SLC5A6: variants seen among roughly 807,000 people sequenced by gnomAD.
SLC5A6 encodes the protein sodium-dependent multivitamin transporter.
In SLC5A6, 31 loss-of-function variants were observed where a neutral mutation model predicts 67.9. That is an observed-to-expected ratio of 0.46 (90% CI 0.34 to 0.62). The LOEUF (loss-of-function observed/expected upper bound fraction) is 0.62, where lower values mean the gene tolerates loss of function less well. Ranked by LOEUF, SLC5A6 falls within the 20% of genes least tolerant of loss-of-function variation. SLC5A6 has a pLI of 0.01. For missense variants in SLC5A6, 673 were observed against 812.8 expected (o/e 0.83, Z 2.09); for synonymous variants, 343 against 331.0 (o/e 1.04, Z -0.39).
intron 2 of SLC5A6, among the ~76,000 whole-genome samples, chr2:27,211,255 TAAA>T: frequency 6.6e-6 from 1 of 152,348 alleles, no homozygotes; most frequent in African/African-American, 2.4e-5. Context: ...GCCAGCCAGC[TAAA>T]CGTAAACCTT....
At chr2:27,208,069 A>C (rs1674204672) in intron 2 of SLC5A6, among the ~76,000 whole-genome samples, 1 of 152,234 alleles carries the variant, frequency 6.6e-6, no homozygotes, top group African/African-American at 2.4e-5. Context: ...CCAAAAGAAA[A>C]ATAAACTCTA....
intron 7 of SLC5A6, 192 bp from the exon 8 acceptor site, chr2:27,205,123 C>A (rs1024190610): frequency 1.4e-6 from 1 of 728,296 alleles, no homozygotes; most frequent in Non-Finnish European, 2.2e-6. Context: ...TTCTTCCACC[C>A]CAGGCTCATT....
At position 27,207,393 on chromosome 2, in the gene SLC5A6, C is replaced by G. The variant is rs773607405; in HGVS notation, c.258G>C (p.Leu86=). The change falls in exon 3 of 17, where the codon CTG becomes CTC. Residue 86 remains leucine (L), a synonymous_variant. Coordinates refer to ENST00000310574, the MANE Select transcript of SLC5A6 (RefSeq NM_021095.4). The surrounding 1 kb of genome is among the most constrained non-coding windows in gnomAD (Gnocchi z 5.5). The part of the protein sequence containing the change: ...LATFQSAVAI[L]GVPSEIYRFG... ...ATCGGTAGATCTCTGACGGCACACCCAGGATGGCCACGGCTGACTGGAAGG... is the reference window on the plus strand; with the variant it reads ...ATCGGTAGATCTCTGACGGCACACCGAGGATGGCCACGGCTGACTGGAAGG... 2 of 1,614,218 alleles carry G rather than the reference C, an allele frequency of 1.2e-6. No homozygotes were observed. The highest frequency in any genetic ancestry group is 1.7e-6 in the Non-Finnish European group (2 of 1,180,050).
In SLC5A6 at chr2:27,202,801, T is replaced by C. The variant is rs1341568820; in HGVS notation, c.1275+12A>G. The C allele has an allele frequency of 6.2e-7, 1 of 1,611,382 alleles. No individual in the cohort carries two copies. The highest frequency in any genetic ancestry group is 2.2e-5 in the East Asian group (1 of 44,852). On this transcript the variant is annotated intron_variant, in intron 12 of 16. Transcript: ENST00000310574. Reference sequence around the variant, plus strand: ...TCCCTTAAAATTGCTTCCTACCCTCTATAGTTATTACCTGCAGCACAGGTC... The same window carrying C: ...TCCCTTAAAATTGCTTCCTACCCTCCATAGTTATTACCTGCAGCACAGGTC...
chr2:27,206,007 C>A lies in SLC5A6; in HGVS notation c.579+19G>T, dbSNP rs371437657. ...ACTTCATCCCTTCCCCTCCCCACAC[C>A]ACGGCTTACTGCACTTACCAGAGCT... is the stretch of plus-strand genomic sequence containing the variant. On this transcript the variant is annotated intron_variant, in intron 6 of 16. Transcript: ENST00000310574. 1.3e-6 allele frequency: 2 copies of A among 1,597,714 alleles called. No individual in the cohort carries two copies. Among genetic ancestry groups the A allele is most frequent in the Admixed American group, 3.3e-5 (2 of 59,864 alleles).
chr2:27,203,515 A>G (rs950348669), intron 10 of SLC5A6, among the ~76,000 whole-genome samples, 170 bp from the exon 11 acceptor site: 22 of 152,132 alleles, frequency 1.4e-4, no homozygotes, highest in African/African-American at 5.1e-4. Flanking sequence ...GCAAGGACAC[A>G]GTCCTTTTTT....
chr2:27,202,885 G>C lies in SLC5A6; in HGVS notation c.1208-5C>G, dbSNP rs1673760803. ...AAAGCAGCCCATAGCCAAAGGCTGG[G>C]GGAAAAGGACAGGAGAGGAAACAAG... is the stretch of plus-strand genomic sequence containing the variant. On this transcript the variant is annotated splice_polypyrimidine_tract_variant and splice_region_variant and intron_variant, in intron 11 of 16. Transcript: ENST00000310574. The C allele has an allele frequency of 2.5e-6, 4 of 1,613,732 alleles. No homozygotes were observed. The East Asian group carries it at 8.9e-5, about 36-fold the overall frequency.
At chr2:27,205,262 T>C in intron 7 of SLC5A6, 88 bp downstream of exon 7, 1 of 1,364,516 alleles carries the variant, frequency 7.3e-7, no homozygotes, top group Non-Finnish European at 1.0e-6. Flanking sequence ...CCAGTTTACC[T>C]TCTGCTTACT....
rs1673918852 is a variant in SLC5A6 at position 27,204,700 on chromosome 2, A to G, written c.875+91T>C. On this transcript the variant is annotated intron_variant, in intron 8 of 16. Coordinates refer to ENST00000310574, the MANE Select transcript of SLC5A6 (RefSeq NM_021095.4). ...CACATCCTGACCACAGTGGATGTGT[A>G]TGCACTCTGGCATCCTGCCCCACCC... 8.8e-6 allele frequency: 14 copies of G among 1,596,332 alleles called. No homozygotes were observed. The South Asian group carries it at 1.4e-4, about 16-fold the overall frequency.
In SLC5A6 at chr2:27,207,939, G is replaced by A; in HGVS notation, c.-140-149C>T. Reference sequence around the variant, plus strand: ...GAGGCCCTGGTATGGGTTTGGTAGGGGACATAAGTGAGGGAGAAGCATCAG... The same window carrying A: ...GAGGCCCTGGTATGGGTTTGGTAGGAGACATAAGTGAGGGAGAAGCATCAG... On this transcript the variant is annotated intron_variant, in intron 2 of 16. Transcript: ENST00000310574. The surrounding 1 kb of genome is among the most constrained non-coding windows in gnomAD (Gnocchi z 5.5). The A allele has an allele frequency of 2.1e-6, 1 of 471,048 alleles. No homozygotes were observed. Among genetic ancestry groups the A allele is most frequent in the Non-Finnish European group, 3.8e-6 (1 of 264,876 alleles). The allele number at this position is 471,048 out of a possible 1,614,324, so 29.2% of individuals were successfully genotyped here.
chr2:27,200,319 A>G lies in SLC5A6; in HGVS notation c.*117T>C. On this transcript the variant is annotated 3_prime_UTR_variant, in exon 17 of 17. Coordinates refer to ENST00000310574, the MANE Select transcript of SLC5A6 (RefSeq NM_021095.4). ...TCTCAGAACAAGGTCCTTTGGTATG[A>G]GCTAGATCATCCAGGCCTGTCCCTG... The G allele has an allele frequency of 9.7e-7, 1 of 1,026,950 alleles. No homozygotes were observed. The highest frequency in any genetic ancestry group is 1.4e-6 in the Non-Finnish European group (1 of 717,578). The allele number at this position is 1,026,950 out of a possible 1,614,324, so 63.6% of individuals were successfully genotyped here. A position where few individuals can be genotyped will look rare whatever the true frequency, so the allele number is the denominator to read the frequency against.
intron 5 of SLC5A6, 85 bp from the exon 6 acceptor site, chr2:27,206,178 A>C (rs1419026591): frequency 5.3e-6 from 6 of 1,134,188 alleles, no homozygotes; most frequent in Non-Finnish European, 8.0e-6. Flanking sequence ...GTCATGCCAC[A>C]GAGATAAAGC....
intron 2 of SLC5A6, among the ~76,000 whole-genome samples, chr2:27,210,499 C>A (rs1410763018): frequency 6.7e-6 from 1 of 149,752 alleles, no homozygotes; most frequent in African/African-American, 2.5e-5. Context: ...GACACGATCT[C>A]GGCTCACTGC....
intron 13 of SLC5A6, 57 bp downstream of exon 13, chr2:27,201,931 G>A: frequency 5.0e-6 from 8 of 1,606,936 alleles, no homozygotes; most frequent in Non-Finnish European, 4.3e-6. Context: ...TGACAGCCCT[G>A]CCAACCCCCA....
At chr2:27,211,936 C>G (rs1311207811) in intron 1 of SLC5A6, 84 bp downstream of exon 1, 1 of 442,206 alleles carries the variant, frequency 2.3e-6, no homozygotes, top group Non-Finnish European at 3.9e-6. Flanking sequence ...CAGAGCCCGG[C>G]CGAGAGCCCT....
intron 6 of SLC5A6, 76 bp downstream of exon 6, chr2:27,205,950 T>G: frequency 8.8e-7 from 1 of 1,132,114 alleles, no homozygotes; most frequent in Non-Finnish European, 1.3e-6. Flanking sequence ...AGCTTATCTC[T>G]TCTTTTCCTT....
intron 10 of SLC5A6, among the ~76,000 whole-genome samples, 172 bp downstream of exon 10, chr2:27,203,607 T>C (rs181024443): frequency 4.2e-4 from 64 of 152,170 alleles, no homozygotes; most frequent in Non-Finnish European, 7.5e-4. Flanking sequence ...GGTATCTCTG[T>C]TGTGCTGTGG....
Position 27,212,021 on chromosome 2 carries a change from G to A in SLC5A6, c.-209C>T, listed in dbSNP as rs1423709540. The A allele has an allele frequency of 1.4e-5, 10 of 711,648 alleles. No homozygotes were observed. In the East Asian group the frequency reaches 3.4e-4, roughly 24 times the overall value. 44.1% of individuals were successfully genotyped at this position (711,648 alleles called of 1,614,324 possible). A position where few individuals can be genotyped will look rare whatever the true frequency, so the allele number is the denominator to read the frequency against. ...CGCTCGCCGTGCCGCCATGTTTACT[G>A]AGGGCGGATGGAGGGGCCCGAGTTT... On this transcript the variant is annotated splice_region_variant and 5_prime_UTR_variant, in exon 1 of 17. Transcript: ENST00000310574.
At position 27,203,133 on chromosome 2, in the gene SLC5A6, A is replaced by G. The variant is rs1360158838; in HGVS notation, c.1207+100T>C. 9 of 1,571,998 alleles carry G rather than the reference A, an allele frequency of 5.7e-6. No homozygotes were observed. The East Asian group carries it at 1.8e-4, about 31-fold the overall frequency. On this transcript the variant is annotated intron_variant, in intron 11 of 16. Coordinates refer to ENST00000310574, the MANE Select transcript of SLC5A6 (RefSeq NM_021095.4). Reference sequence around the variant, plus strand: ...TGTGTGCTTCATTAGGCAAGTGCTGAGCCCCGGATAAAGTGGGTGTTTTAC... The same window carrying G: ...TGTGTGCTTCATTAGGCAAGTGCTGGGCCCCGGATAAAGTGGGTGTTTTAC...
Sources: allele counts gnomAD v4.1 joint callset (sites outside exome capture counted in the v4.1 genomes callset), GRCh38; gene constraint gnomAD v4.1.1; non-coding constraint Gnocchi (gnomAD v3.1); transcripts MANE v1.5; gene names NCBI Gene and HGNC (gene_info 2026-07-23, HGNC 2026-07-21).